Variants in CANX observed in about 807,000 individuals in gnomAD.
The protein encoded by CANX is epididymis secretory sperm binding protein.
In CANX, 14 loss-of-function variants were observed where a neutral mutation model predicts 75.7. That is an observed-to-expected ratio of 0.19 (90% CI 0.12 to 0.29). CANX has a LOEUF of 0.29. Ranked by LOEUF, CANX falls within the 10% of genes least tolerant of loss-of-function variation. The probability of loss-of-function intolerance (pLI) is 1.00; values close to 1 mark genes in which losing one functional copy is unlikely to be tolerated. For missense variants in CANX, 567 were observed against 713.2 expected, an observed-to-expected ratio of 0.79 and a Z score of 2.34; for synonymous variants, 227 against 236.9, an observed-to-expected ratio of 0.96 and a Z score of 0.38.
intron 9 of CANX, 101 bp downstream of exon 9, chr5:179,719,882 C>T (rs577120673): frequency 1.7e-4 from 113 of 674,984 alleles, no homozygotes; most frequent in East Asian, 1.5e-3. Flanking sequence ...AGTTCAGTGG[C>T]GCAGTTTCGG....
At chr5:179,691,429 G>A (rs916532115) in intron 1 of CANX, among the ~76,000 whole-genome samples, 8 of 152,072 alleles carry the variant, frequency 5.3e-5, no homozygotes, top group African/African-American at 1.4e-4. Flanking sequence ...TGAGTGGGCC[G>A]GGCACAGTGC....
intron 1 of CANX, chr5:179,679,366 CTG>C: frequency 4.9e-6 from 5 of 1,027,918 alleles, no homozygotes; most frequent in Non-Finnish European, 5.5e-6. Context: ...ACGGCTGCGG[CTG>C]TGTCTCACCA....
In CANX at chr5:179,716,040, T is replaced by C. The variant is rs779682593; in HGVS notation, c.722-65T>C. 6.7e-6 allele frequency: 8 copies of C among 1,187,314 alleles called. No homozygotes were observed. In the Admixed American group the frequency reaches 1.2e-4, roughly 18 times the overall value. 73.5% of individuals were successfully genotyped at this position (1,187,314 alleles called of 1,614,324 possible). The stretch of plus-strand genomic sequence containing the variant: ...GCTTCACGTTAGAAGTCATGATCTT[T>C]TGTATTATGGTAAAGGGAGCTTGGA... On this transcript the variant is annotated intron_variant, in intron 7 of 14. Transcript: ENST00000247461.
chr5:179,688,843 AGG>A (rs1233661109), intron 1 of CANX, among the ~76,000 whole-genome samples: 1 of 151,446 alleles, frequency 6.6e-6, no homozygotes, highest in African/African-American at 2.4e-5. Context: ...AGAGTGCTCC[AGG>A]GGCTGAGGCA....
chr5:179,698,069 A>G (rs1430374655), upstream of CANX, among the ~76,000 whole-genome samples: 1 of 152,150 alleles, frequency 6.6e-6, no homozygotes, highest in Non-Finnish European at 1.5e-5. Flanking sequence ...CCAAACAAAT[A>G]GAGAACAAGA....
At chr5:179,715,733 A>G (rs1424094270) in intron 7 of CANX, among the ~76,000 whole-genome samples, 1 of 152,110 alleles carries the variant, frequency 6.6e-6, no homozygotes, top group East Asian at 1.9e-4. Context: ...TGTACTGGGA[A>G]GTAGTTGTAA....
chr5:179,679,310 G>A, intron 1 of CANX: 2 of 1,434,854 alleles, frequency 1.4e-6, no homozygotes, highest in Non-Finnish European at 1.8e-6. Flanking sequence ...GGTACAGGCC[G>A]CCTCTCAAAC....
intron 4 of CANX, 111 bp downstream of exon 4, chr5:179,707,301 C>T (rs561144136): frequency 1.4e-6 from 1 of 726,058 alleles, no homozygotes; most frequent in Non-Finnish European, 2.5e-6. Flanking sequence ...TAAGATTTTT[C>T]CAGCCAGGTG....
At chr5:179,694,475 T>C, upstream of CANX, 1 of 726,132 alleles carries the variant, frequency 1.4e-6, no homozygotes, top group Non-Finnish European at 2.5e-6. Context: ...GGCCACCATC[T>C]GGATTCTTCC....
chr5:179,688,361 AT>A (rs35948508), intron 1 of CANX, among the ~76,000 whole-genome samples: 4,441 of 95,552 alleles, frequency 0.046, 75 homozygotes, highest in Non-Finnish European at 0.063. Context: ...CCTAAGGTCA[AT>A]TTTTTTTTTT....
rs564494346 is a variant in CANX at position 179,689,132 on chromosome 5, T to C, written c.-4+10355T>C. Reference sequence around the variant, plus strand: ...AGCTGGGCATGGTGGTGTGCGCCTATAATCCCAGCTAATTGGGAAGCTGAG... The same window carrying C: ...AGCTGGGCATGGTGGTGTGCGCCTACAATCCCAGCTAATTGGGAAGCTGAG... On this transcript the variant is annotated intron_variant, in intron 1 of 14. Coordinates refer to the CANX transcript ENST00000681674. Among the ~76,000 whole-genome samples, 209 of 152,110 alleles carry C rather than the reference T, an allele frequency of 1.4e-3. 1 individual carries two copies. The highest frequency in any genetic ancestry group is 2.8e-3 in the Admixed American group (42 of 15,232).
intron 1 of CANX, among the ~76,000 whole-genome samples, chr5:179,683,354 C>T (rs532026101): frequency 1.7e-3 from 264 of 151,746 alleles, no homozygotes; most frequent in Non-Finnish European, 2.9e-3. Flanking sequence ...AGGATGGTCT[C>T]GATCTCCTGA....
At chr5:179,694,467 C>T, upstream of CANX, 1 of 715,498 alleles carries the variant, frequency 1.4e-6, no homozygotes. Flanking sequence ...CCCCAAAAGG[C>T]CACCATCTGG....
intron 7 of CANX, among the ~76,000 whole-genome samples, chr5:179,710,524 GGTGAAACCCC>G (rs1777472981): frequency 6.7e-6 from 1 of 149,316 alleles, no homozygotes; most frequent in Non-Finnish European, 1.5e-5. Flanking sequence ...TGGCTAACAT[GGTGAAACCCC>G]GTCTCTACTA....
At chr5:179,711,525 G>A (rs976300212) in intron 7 of CANX, among the ~76,000 whole-genome samples, 8 of 151,890 alleles carry the variant, frequency 5.3e-5, no homozygotes, top group African/African-American at 1.7e-4. Flanking sequence ...ATGGTGGCTC[G>A]TGCCTATAAT....
intron 1 of CANX, among the ~76,000 whole-genome samples, chr5:179,688,081 TGGA>T (rs1776221462): frequency 6.7e-6 from 1 of 149,594 alleles, no homozygotes; most frequent in Admixed American, 6.7e-5. Flanking sequence ...TTTTTTAAGA[TGGA>T]GTGTCGCTCT....
chr5:179,694,458 C>T, upstream of CANX: 1 of 703,870 alleles, frequency 1.4e-6, no homozygotes, highest in Admixed American at 2.1e-5. Context: ...TCCTAGTGCC[C>T]CCAAAAGGCC....
intron 1 of CANX, among the ~76,000 whole-genome samples, chr5:179,681,956 A>G (rs1776074304): frequency 1.3e-5 from 2 of 151,390 alleles, no homozygotes; most frequent in East Asian, 1.9e-4. Flanking sequence ...AAAAAAAAAA[A>G]AAAAAAAAGA....
In CANX at chr5:179,710,070, G is replaced by GAA. The variant is rs780218950; in HGVS notation, c.721+9_721+10dup. The GAA allele has an allele frequency of 6.6e-7, 1 of 1,521,496 alleles. No homozygotes were observed. Among genetic ancestry groups the GAA allele is most frequent in the East Asian group, 2.3e-5 (1 of 44,308 alleles). 94.2% of individuals were successfully genotyped at this position (1,521,496 alleles called of 1,614,324 possible). ...AAACACATCTTTACACACTAAGTAA[G>GAA]AAAAAGCATTAGTTTGGGGGCTTAT... On this transcript the variant is annotated splice_donor_region_variant and intron_variant, in intron 7 of 14. Transcript: ENST00000247461.
Sources: gnomAD v4.1 joint callset for allele counts (sites outside exome capture counted in the v4.1 genomes callset) on GRCh38, gnomAD v4.1.1 for gene constraint, MANE v1.5 for transcripts, NCBI Gene and HGNC (gene_info 2026-07-23, HGNC 2026-07-21) for gene names.